CNTN4: variants seen among roughly 807,000 people sequenced by gnomAD.
The protein encoded by CNTN4 is contactin 4, also known as contactin-4.
In CNTN4, 77 loss-of-function variants were observed where a neutral mutation model predicts 122.5. The observed-to-expected ratio is 0.63, with a 90% CI of 0.52 to 0.76. The LOEUF is 0.76. Ranked by LOEUF, CNTN4 falls within the 30% of genes least tolerant of loss-of-function variation. The pLI, the probability that CNTN4 is intolerant of heterozygous loss-of-function variation, is 0.00. For missense variants in CNTN4, 1,256 were observed against 1,259.1 expected, an observed-to-expected ratio of 1.00 and a Z score of 0.04; for synonymous variants, 512 against 447.0, an observed-to-expected ratio of 1.15 and a Z score of -1.83.
intron 19 of CNTN4, 73 bp from the exon 20 acceptor site, chr3:3,039,964 G>C (rs1574900704): frequency 9.7e-7 from 1 of 1,030,072 alleles, no homozygotes; most frequent in Admixed American, 1.8e-5. Context: ...AATGTTACAA[G>C]GGAAACAAAA....
Position 2,841,494 on chromosome 3 carries a change from G to A in CNTN4, c.454+21913G>A, listed in dbSNP as rs987088295. On this transcript the variant is annotated intron_variant, in intron 7 of 24. Transcript: ENST00000418658. The surrounding 1 kb of genome is among the most constrained non-coding windows in gnomAD (Gnocchi z 4.8). ...AATTATCTACAGATTTATGAAGACC[G>A]AGTCAAGGGTTCCATTTGTAGCCAT... Among the ~76,000 whole-genome samples, 59 of 152,196 alleles carry A rather than the reference G, an allele frequency of 3.9e-4. No homozygotes were observed. The highest frequency in any genetic ancestry group is 1.3e-3 in the African/African-American group (52 of 41,526).
intron 2 of CNTN4, among the ~76,000 whole-genome samples, chr3:2,245,111 C>G (rs1032743608): frequency 6.6e-6 from 1 of 151,970 alleles, no homozygotes; most frequent in Non-Finnish European, 1.5e-5. Context: ...AAATTTATCA[C>G]TGTTTCAAAC....
chr3:2,701,396 T>G (rs2086349740), intron 4 of CNTN4, among the ~76,000 whole-genome samples: 1 of 152,176 alleles, frequency 6.6e-6, no homozygotes, highest in African/African-American at 2.4e-5. Flanking sequence ...AAGACATAAG[T>G]GAGGATAACA....
At chr3:2,318,453 C>G (rs926210742) in intron 2 of CNTN4, among the ~76,000 whole-genome samples, 2 of 152,056 alleles carry the variant, frequency 1.3e-5, no homozygotes, top group African/African-American at 4.8e-5. Flanking sequence ...ATTCCTTTCT[C>G]TTGAATGAAA....
chr3:2,529,774 T>TGAG (rs992513395), intron 3 of CNTN4, among the ~76,000 whole-genome samples: 9 of 151,816 alleles, frequency 5.9e-5, no homozygotes, highest in Admixed American at 3.3e-4. Context: ...CACCATATGA[T>TGAG]GAGGAGGAGG....
At position 2,658,341 on chromosome 3, in the gene CNTN4, G is replaced by A. The variant is rs370108486; in HGVS notation, c.56-77874G>A. ...CCCTGTCTTACTCACACTTCAAACC[G>A]TCTGTGAGCCTAAATTTTCATGGCC... On this transcript the variant is annotated intron_variant, in intron 4 of 24. Transcript: ENST00000418658. Among the ~76,000 whole-genome samples, 144 of 151,996 alleles carry A rather than the reference G, an allele frequency of 9.5e-4. 1 individual carries two copies. Among genetic ancestry groups the A allele is most frequent in the East Asian group, 1.9e-3 (10 of 5,134 alleles).
chr3:2,310,224 T>A (rs2150133650), intron 2 of CNTN4, among the ~76,000 whole-genome samples: 1 of 152,124 alleles, frequency 6.6e-6, no homozygotes, highest in East Asian at 1.9e-4. Flanking sequence ...CTCAACTAAT[T>A]TATTGGGTGC....
chr3:2,538,285 T>A (rs2077889127), intron 3 of CNTN4, among the ~76,000 whole-genome samples: 1 of 152,120 alleles, frequency 6.6e-6, no homozygotes, highest in Non-Finnish European at 1.5e-5. Flanking sequence ...CTTCTAGTCT[T>A]CAGAACTTTG....
intron 2 of CNTN4, among the ~76,000 whole-genome samples, chr3:2,123,097 ATCT>A (rs374894103): frequency 2.6e-5 from 4 of 152,274 alleles, no homozygotes; most frequent in African/African-American, 9.6e-5. Context: ...AACCTAGCTG[ATCT>A]TCTGAGAACC....
chr3:2,788,965 A>G (rs918058626), intron 6 of CNTN4, among the ~76,000 whole-genome samples: 1 of 152,172 alleles, frequency 6.6e-6, no homozygotes, highest in Admixed American at 6.5e-5. Flanking sequence ...TTCTGATTCT[A>G]TCTGTCTTTT....
chr3:2,480,278 C>T (rs1376537399), intron 3 of CNTN4, among the ~76,000 whole-genome samples: 1 of 151,830 alleles, frequency 6.6e-6, no homozygotes, highest in Non-Finnish European at 1.5e-5. Flanking sequence ...TGCAACAAGA[C>T]AAGAAAAAGT....
chr3:2,568,964 C>T (rs1249879608), intron 3 of CNTN4, among the ~76,000 whole-genome samples: 1 of 152,142 alleles, frequency 6.6e-6, no homozygotes, highest in Non-Finnish European at 1.5e-5. Flanking sequence ...TCCGAGATGA[C>T]ATTTCTCTCA....
At position 2,618,951 on chromosome 3, in the gene CNTN4, G is replaced by A. The variant is rs76504413; in HGVS notation, c.55+47393G>A. On this transcript the variant is annotated intron_variant, in intron 4 of 24. Coordinates refer to ENST00000418658, the MANE Select transcript of CNTN4 (RefSeq NM_175607.3). Reference sequence around the variant, plus strand: ...TCCAACAGATCATTGCAGAGACTGGGAAATTATTTAGGCTCACCAAACCAG... The same window carrying A: ...TCCAACAGATCATTGCAGAGACTGGAAAATTATTTAGGCTCACCAAACCAG... Among the ~76,000 whole-genome samples, 1,503 of 152,252 alleles carry A rather than the reference G, an allele frequency of 9.9e-3. 12 individuals carry two copies. Among genetic ancestry groups the A allele is most frequent in the Middle Eastern group, 0.024 (7 of 294 alleles).
intron 3 of CNTN4, among the ~76,000 whole-genome samples, chr3:2,395,759 G>T (rs751812347): frequency 1.3e-5 from 2 of 152,066 alleles, no homozygotes; most frequent in Non-Finnish European, 2.9e-5. Context: ...CTGTATCCAT[G>T]AATGACATGA....
chr3:2,587,781 T>G (rs2080272147), intron 4 of CNTN4, among the ~76,000 whole-genome samples: 2 of 152,338 alleles, frequency 1.3e-5, no homozygotes, highest in South Asian at 4.1e-4. Context: ...TGAATTTTTT[T>G]TCAGTTATTA....
At chr3:3,037,355 T>C in intron 18 of CNTN4, 27 bp downstream of exon 18, 4 of 1,614,102 alleles carry the variant, frequency 2.5e-6, no homozygotes, top group Non-Finnish European at 3.4e-6. Flanking sequence ...ATTCAGATCA[T>C]CTGTTCTGCC....
At chr3:2,579,039 C>T (rs1184182235) in intron 4 of CNTN4, among the ~76,000 whole-genome samples, 3 of 152,154 alleles carry the variant, frequency 2.0e-5, no homozygotes, top group Non-Finnish European at 1.5e-5. Flanking sequence ...TTTATATCCC[C>T]ATAGGCATGG....
chr3:2,999,047 G>A (rs1350585635), intron 14 of CNTN4: 1 of 152,054 alleles, frequency 6.6e-6, no homozygotes, highest in Non-Finnish European at 1.5e-5. Flanking sequence ...TTTTCTTCTA[G>A]AATTACATCC....
At chr3:2,379,797 G>A (rs1267927753) in intron 3 of CNTN4, among the ~76,000 whole-genome samples, 1 of 152,164 alleles carries the variant, frequency 6.6e-6, no homozygotes, top group African/African-American at 2.4e-5. Flanking sequence ...GCTCACGCCT[G>A]TAATCCTAGC....
Sources: gnomAD v4.1 joint callset for allele counts (sites outside exome capture counted in the v4.1 genomes callset) on GRCh38, gnomAD v4.1.1 for gene constraint, Gnocchi (gnomAD v3.1) non-coding constraint, MANE v1.5 for transcripts, NCBI Gene and HGNC (gene_info 2026-07-23, HGNC 2026-07-21) for gene names.